The following GRID2 variants were observed in gnomAD, a reference collection of about 807,000 sequenced individuals.
The protein encoded by GRID2 is glutamate receptor ionotropic, delta-2.
GRID2 carries 33 observed loss-of-function variants against 114.8 expected under a neutral mutation model. That is an observed-to-expected ratio of 0.29 (90% CI 0.22 to 0.38). The LOEUF (loss-of-function observed/expected upper bound fraction) is 0.38, where lower values mean the gene tolerates loss of function less well. Among genes scored for constraint, GRID2 ranks in the 10% least tolerant of loss-of-function variants. GRID2 has a pLI of 1.00. For synonymous variants in GRID2, 505 were observed against 449.9 expected (o/e 1.12, Z -1.55); for missense variants, 1,184 against 1,257.7 (o/e 0.94, Z 0.89).
chr4:93,364,950 C>G (rs920961392), intron 8 of GRID2, among the ~76,000 whole-genome samples: 7 of 152,048 alleles, frequency 4.6e-5, no homozygotes, highest in African/African-American at 1.7e-4. Flanking sequence ...TTACTACTCC[C>G]AACTGTTATT....
At chr4:92,458,083 T>C (rs2149084947) in intron 1 of GRID2, among the ~76,000 whole-genome samples, 1 of 152,356 alleles carries the variant, frequency 6.6e-6, no homozygotes, top group Non-Finnish European at 1.5e-5. Flanking sequence ...CTGATACGTT[T>C]GAACTATGCT....
chr4:93,771,315 G>T (rs962090129), intron 15 of GRID2, among the ~76,000 whole-genome samples: 1 of 152,046 alleles, frequency 6.6e-6, no homozygotes, highest in Admixed American at 6.6e-5. Flanking sequence ...TTACCAAGAC[G>T]CCATTAGCAT....
intron 14 of GRID2, among the ~76,000 whole-genome samples, chr4:93,753,063 C>T (rs1380840827): frequency 6.6e-6 from 1 of 152,204 alleles, no homozygotes; most frequent in Non-Finnish European, 1.5e-5. Flanking sequence ...GATGCCGAGA[C>T]TAAACTGACC....
At chr4:92,554,545 A>G (rs1351750312) in intron 1 of GRID2, among the ~76,000 whole-genome samples, 1 of 152,188 alleles carries the variant, frequency 6.6e-6, no homozygotes, top group Non-Finnish European at 1.5e-5. Context: ...TAACAACTTA[A>G]TCGAGTAATT....
chr4:92,890,115 T>C (rs1746653437), intron 2 of GRID2, among the ~76,000 whole-genome samples: 1 of 151,922 alleles, frequency 6.6e-6, no homozygotes, highest in Non-Finnish European at 1.5e-5. Context: ...AAAAATTAAC[T>C]CAAGATGAAT....
At chr4:93,686,436 G>T (rs1319418325) in intron 14 of GRID2, among the ~76,000 whole-genome samples, 1 of 151,788 alleles carries the variant, frequency 6.6e-6, no homozygotes, top group African/African-American at 2.4e-5. Context: ...ATGTTCATCA[G>T]CTACTATGTG....
At chr4:93,082,669 T>A (rs1423142225) in intron 2 of GRID2, among the ~76,000 whole-genome samples, 2 of 152,244 alleles carry the variant, frequency 1.3e-5, no homozygotes, top group Non-Finnish European at 2.9e-5. Flanking sequence ...TGACATTATA[T>A]GCTTTCTGGC....
At position 93,412,876 on chromosome 4, in the gene GRID2, T is replaced by C. The variant is rs941769311; in HGVS notation, c.1348-9895T>C. 4.2e-4 allele frequency among the ~76,000 whole-genome samples: 64 copies of C among 152,186 alleles called. 1 individual carries two copies. The highest frequency in any genetic ancestry group is 1.5e-3 in the African/African-American group (62 of 41,444). On this transcript the variant is annotated intron_variant, in intron 9 of 15. Transcript: ENST00000282020. ...GTTGTCTGTTCATTTGTTAGTTTGC[T>C]GAGAATGATGGCTTCCAGCTTCATC...
At chr4:93,110,999 A>G in intron 4 of GRID2, 46 bp downstream of exon 4, 1 of 1,226,808 alleles carries the variant, frequency 8.2e-7, no homozygotes, top group Non-Finnish European at 1.2e-6. Flanking sequence ...AAACAATTAA[A>G]AGCTTTGGAA....
intron 2 of GRID2, among the ~76,000 whole-genome samples, chr4:93,047,268 T>C (rs958340876): frequency 6.6e-6 from 1 of 152,062 alleles, no homozygotes; most frequent in African/African-American, 2.4e-5. Flanking sequence ...GTTGGAATTC[T>C]GGCACAGAAA....
At chr4:93,433,294 A>G (rs1279837922) in intron 10 of GRID2, among the ~76,000 whole-genome samples, 2 of 152,186 alleles carry the variant, frequency 1.3e-5, no homozygotes, top group Non-Finnish European at 2.9e-5. Flanking sequence ...GTGTGAAGAG[A>G]AACATTTAGC....
intron 2 of GRID2, among the ~76,000 whole-genome samples, chr4:92,695,782 T>C (rs1734398106): frequency 6.6e-6 from 1 of 152,182 alleles, no homozygotes; most frequent in Non-Finnish European, 1.5e-5. Flanking sequence ...ACTGGCTTGC[T>C]ATTATCCTGC....
chr4:93,570,841 G>T (rs1323071199), intron 13 of GRID2, among the ~76,000 whole-genome samples: 1 of 152,128 alleles, frequency 6.6e-6, no homozygotes, highest in Non-Finnish European at 1.5e-5. Flanking sequence ...AGCTGTAGAT[G>T]GCTGGGCATC....
chr4:93,638,215 A>G (rs1034158275), intron 14 of GRID2, among the ~76,000 whole-genome samples: 5 of 151,834 alleles, frequency 3.3e-5, no homozygotes, highest in African/African-American at 1.2e-4. Flanking sequence ...TATTTTTTAA[A>G]TGTTAGTAAC....
chr4:92,769,870 C>T (rs1560582012), intron 2 of GRID2, among the ~76,000 whole-genome samples: 1 of 152,152 alleles, frequency 6.6e-6, no homozygotes. Context: ...ATGGGAAGGG[C>T]TACTGTGAAG....
chr4:92,850,962 G>C (rs559316281), intron 2 of GRID2, among the ~76,000 whole-genome samples: 2 of 152,038 alleles, frequency 1.3e-5, no homozygotes, highest in East Asian at 1.9e-4. Flanking sequence ...ATTGCCACAG[G>C]TGTGTGCATA....
At chr4:92,984,181 T>C (rs1297764302) in intron 2 of GRID2, among the ~76,000 whole-genome samples, 4 of 152,228 alleles carry the variant, frequency 2.6e-5, no homozygotes, top group Non-Finnish European at 5.9e-5. Flanking sequence ...ATCCTTCTAT[T>C]TTTCTCATAT....
intron 8 of GRID2, among the ~76,000 whole-genome samples, chr4:93,369,532 A>G (rs1762669930): frequency 6.6e-6 from 1 of 152,100 alleles, no homozygotes; most frequent in Non-Finnish European, 1.5e-5. Context: ...CTCTGTTGTC[A>G]AGGCTGGAGT....
intron 2 of GRID2, among the ~76,000 whole-genome samples, chr4:92,783,808 C>G (rs1328590392): frequency 6.6e-6 from 1 of 151,848 alleles, no homozygotes; most frequent in Admixed American, 6.6e-5. Context: ...GTTGCTTTAG[C>G]CCAGGAATTT....
Sources: allele counts gnomAD v4.1 joint callset (sites outside exome capture counted in the v4.1 genomes callset), GRCh38; gene constraint gnomAD v4.1.1; transcripts MANE v1.5; gene names NCBI Gene and HGNC (gene_info 2026-07-23, HGNC 2026-07-21).